PRKG2: variants seen among roughly 807,000 people sequenced by gnomAD.
PRKG2 encodes protein kinase cGMP-dependent 2, also known as cGMP-dependent protein kinase 2.
Under a neutral mutation model 97.2 loss-of-function variants are expected in PRKG2, and 33 were observed. The ratio of observed to expected loss-of-function variants is 0.34; its 90% CI spans 0.26 to 0.45. The LOEUF is 0.45. Ranked by LOEUF, PRKG2 falls within the 20% of genes least tolerant of loss-of-function variation. The probability of loss-of-function intolerance (pLI) is 1.00; values close to 1 mark genes in which losing one functional copy is unlikely to be tolerated. For missense variants in PRKG2, 638 were observed against 900.0 expected (o/e 0.71, Z 3.73); for synonymous variants, 330 against 321.8 (o/e 1.03, Z -0.27).
chr4:81,202,059 C>A (rs1263908358), intron 2 of PRKG2, among the ~76,000 whole-genome samples: 3 of 152,138 alleles, frequency 2.0e-5, no homozygotes, highest in Non-Finnish European at 4.4e-5. Flanking sequence ...TGATATCTAG[C>A]AGGAACTGCT....
At chr4:81,203,789 C>T (rs1272332677) in intron 2 of PRKG2, among the ~76,000 whole-genome samples, 1 of 152,054 alleles carries the variant, frequency 6.6e-6, no homozygotes, top group East Asian at 1.9e-4. Flanking sequence ...CTTTTAAAAA[C>T]TCAAATTTTT....
chr4:81,140,738 G>A (rs998998317), intron 11 of PRKG2, 69 bp from the exon 12 acceptor site: 2 of 1,357,298 alleles, frequency 1.5e-6, no homozygotes, highest in Non-Finnish European at 2.0e-6. Flanking sequence ...ATCAATGAGA[G>A]TTAAAACTGT....
intron 6 of PRKG2, among the ~76,000 whole-genome samples, chr4:81,159,035 G>A (rs868363854): frequency 5.1e-4 from 77 of 151,914 alleles, no homozygotes; most frequent in South Asian, 4.2e-3. Flanking sequence ...ATTACCATTC[G>A]GGACATAGGC....
chr4:81,151,857 T>C, intron 8 of PRKG2, 103 bp downstream of exon 8: 1 of 840,126 alleles, frequency 1.2e-6, no homozygotes, highest in Non-Finnish European at 1.9e-6. Flanking sequence ...AGGATATTTG[T>C]TGCCATTAAC....
chr4:81,140,692 C>T (rs751154520), intron 11 of PRKG2, 23 bp from the exon 12 acceptor site: 1 of 1,579,216 alleles, frequency 6.3e-7, no homozygotes, highest in Non-Finnish European at 8.7e-7. Context: ...TGGAAAGATA[C>T]CTCAAAATTA....
intron 2 of PRKG2, among the ~76,000 whole-genome samples, chr4:81,190,783 T>C (rs367869945): frequency 2.6e-5 from 4 of 152,044 alleles, no homozygotes; most frequent in South Asian, 2.1e-4. Flanking sequence ...AGAATATGAA[T>C]AGACACTTCT....
intron 1 of PRKG2, among the ~76,000 whole-genome samples, chr4:81,211,536 T>C (rs1354140156): frequency 1.3e-5 from 2 of 152,196 alleles, no homozygotes; most frequent in Non-Finnish European, 2.9e-5. Flanking sequence ...TAAGATACAC[T>C]AAGTTCTCTA....
chr4:81,164,495 A>T (rs1207903384), intron 6 of PRKG2, among the ~76,000 whole-genome samples: 1 of 152,138 alleles, frequency 6.6e-6, no homozygotes, highest in Non-Finnish European at 1.5e-5. Context: ...AAGGACTACA[A>T]GAAAGACTAG....
At chr4:81,090,233 C>T (rs994006424) in intron 18 of PRKG2, among the ~76,000 whole-genome samples, 16 of 152,076 alleles carry the variant, frequency 1.1e-4, no homozygotes, top group Non-Finnish European at 2.2e-4. Context: ...TGGCACACAC[C>T]TGTGATCCCA....
At chr4:81,129,009 G>A (rs1304744081) in intron 14 of PRKG2, among the ~76,000 whole-genome samples, 1 of 152,164 alleles carries the variant, frequency 6.6e-6, no homozygotes, top group Non-Finnish European at 1.5e-5. Context: ...ATTCTGGTAT[G>A]TTGTGTCTTT....
Position 81,105,943 on chromosome 4 carries a change from G to C in PRKG2, c.1941-8C>G, listed in dbSNP as rs773186236. 2 of 1,611,514 alleles carry C rather than the reference G, an allele frequency of 1.2e-6. No homozygotes were observed. The highest frequency in any genetic ancestry group is 2.7e-5 in the African/African-American group (2 of 74,858). Reference sequence around the variant, plus strand: ...ACCCCAGAAAAGGGTGGGCTAGATAGAGAAAATCCAGAACAGGACACATTA... The same window carrying C: ...ACCCCAGAAAAGGGTGGGCTAGATACAGAAAATCCAGAACAGGACACATTA... On this transcript the variant is annotated splice_polypyrimidine_tract_variant and splice_region_variant and intron_variant, in intron 15 of 18. Transcript: ENST00000264399.
chr4:81,092,313 A>T, intron 18 of PRKG2, 73 bp downstream of exon 18: 1 of 1,018,370 alleles, frequency 9.8e-7, no homozygotes. Flanking sequence ...ATATACATAC[A>T]CACATCTAAA....
intron 8 of PRKG2, among the ~76,000 whole-genome samples, chr4:81,150,881 A>T (rs1748330365): frequency 6.6e-6 from 1 of 152,148 alleles, no homozygotes; most frequent in African/African-American, 2.4e-5. Flanking sequence ...AATTTTCCTA[A>T]TATTGAAACA....
At chr4:81,208,584 A>C (rs1279446570) in intron 1 of PRKG2, among the ~76,000 whole-genome samples, 1 of 151,906 alleles carries the variant, frequency 6.6e-6, no homozygotes, top group Non-Finnish European at 1.5e-5. Context: ...ACCATGCTTG[A>C]CTGATTTTTT....
intron 16 of PRKG2, among the ~76,000 whole-genome samples, chr4:81,105,020 TATA>T (rs1163638453): frequency 6.6e-6 from 1 of 152,150 alleles, no homozygotes; most frequent in Non-Finnish European, 1.5e-5. Context: ...AAAGAGGTCA[TATA>T]ATAACACTTC....
chr4:81,199,507 T>C (rs1218958604), intron 2 of PRKG2, among the ~76,000 whole-genome samples: 1 of 152,180 alleles, frequency 6.6e-6, no homozygotes, highest in Non-Finnish European at 1.5e-5. Flanking sequence ...TATTACACTC[T>C]ACATAACCTT....
chr4:81,185,615 C>T (rs187367332), intron 2 of PRKG2, among the ~76,000 whole-genome samples: 16 of 152,276 alleles, frequency 1.1e-4, no homozygotes, highest in African/African-American at 3.6e-4. Flanking sequence ...ATCAAATTTA[C>T]ACATAATAAT....
At chr4:81,183,378 G>A (rs1270034846) in intron 2 of PRKG2, among the ~76,000 whole-genome samples, 1 of 152,086 alleles carries the variant, frequency 6.6e-6, no homozygotes, top group East Asian at 1.9e-4. Flanking sequence ...TCACCCAGAA[G>A]GACAAGGGGT....
At position 81,148,896 on chromosome 4, in the gene PRKG2, A is replaced by T. The variant is rs1748115195; in HGVS notation, c.1142T>A (p.Val381Asp). Residue 381 changes from valine (V) to aspartate (D), a missense_variant, in exon 9 of 19, where the codon GTT becomes GAT. Transcript: ENST00000264399. The part of the protein sequence containing the change: ...IAEENDVACL[V>D]IDRETFNQTV... Reference sequence around the variant, plus strand: ...TCAGTATACTCACTCTCGATCTATAACCAGGCATGCAACATCATTTTCTTC... The same window carrying T: ...TCAGTATACTCACTCTCGATCTATATCCAGGCATGCAACATCATTTTCTTC... The T allele has an allele frequency of 6.2e-7, 1 of 1,613,688 alleles. No individual in the cohort carries two copies.
Sources: allele counts gnomAD v4.1 joint callset (sites outside exome capture counted in the v4.1 genomes callset), GRCh38; gene constraint gnomAD v4.1.1; transcripts MANE v1.5; gene names NCBI Gene and HGNC (gene_info 2026-07-23, HGNC 2026-07-21).